SQLE: variants seen among roughly 807,000 people sequenced by gnomAD.
SQLE encodes the protein squalene monooxygenase.
Under a neutral mutation model 60.7 loss-of-function variants are expected in SQLE, and 29 were observed. The ratio of observed to expected loss-of-function variants is 0.48; its 90% confidence interval spans 0.36 to 0.65. The LOEUF is 0.65. SQLE is among the 30% of genes least tolerant of loss of function. The pLI is 0.00. For missense variants in SQLE, 605 were observed against 684.1 expected, an observed-to-expected ratio of 0.88 and a Z score of 1.29; for synonymous variants, 237 against 246.8, an observed-to-expected ratio of 0.96 and a Z score of 0.37.
chr8:124,998,752 T>C lies in SQLE; in HGVS notation c.-652T>C, dbSNP rs1012772709. On this transcript the variant is annotated 5_prime_UTR_variant, in exon 1 of 11. Transcript: ENST00000265896. ...CTAAATCTTTAGGTTGGGGCTGCAT[T>C]GCCCTGGAGCCGCACTCTTGAGTCC... is the stretch of plus-strand genomic sequence containing the variant. The C allele has an allele frequency of 5.5e-6, 3 of 542,798 alleles. No individual in the cohort carries two copies. Among genetic ancestry groups the C allele is most frequent in the Admixed American group, 7.1e-5 (2 of 28,362 alleles). 33.6% of individuals were successfully genotyped at this position (542,798 alleles called of 1,614,324 possible). A position where few individuals can be genotyped will look rare whatever the true frequency, so the allele number is the denominator to read the frequency against.
At chr8:125,006,472 T>A (rs1265569724) in intron 3 of SQLE, among the ~76,000 whole-genome samples, 1 of 151,078 alleles carries the variant, frequency 6.6e-6, no homozygotes, top group Non-Finnish European at 1.5e-5. Context: ...TAAGAAAAAA[T>A]TAGCCAGGCG....
At position 125,018,322 on chromosome 8, in the gene SQLE, G is replaced by A. The variant is rs1395904490; in HGVS notation, c.1347+121G>A. The A allele has an allele frequency of 3.9e-6, 4 of 1,028,370 alleles. No homozygotes were observed. The Admixed American group carries it at 8.2e-5, about 21-fold the overall frequency. 63.7% of individuals were successfully genotyped at this position (1,028,370 alleles called of 1,614,324 possible). A position where few individuals can be genotyped will look rare whatever the true frequency, so the allele number is the denominator to read the frequency against. ...ACCTGATGCTTTATAATAGCTCTTAGGCATCTTGCTTAGGCTTAAAGAACC... is the reference window on the plus strand; with the variant it reads ...ACCTGATGCTTTATAATAGCTCTTAAGCATCTTGCTTAGGCTTAAAGAACC... On this transcript the variant is annotated intron_variant, in intron 8 of 10. Transcript: ENST00000265896.
chr8:125,012,627 G>T (rs944763231), intron 7 of SQLE, among the ~76,000 whole-genome samples: 1 of 152,172 alleles, frequency 6.6e-6, no homozygotes, highest in African/African-American at 2.4e-5. Context: ...CCATTGTGTG[G>T]CTATATTACA....
intron 6 of SQLE, among the ~76,000 whole-genome samples, chr8:125,009,793 CAAAA>C (rs924370701): frequency 8.7e-6 from 1 of 115,292 alleles, no homozygotes; most frequent in Non-Finnish European, 1.9e-5. Flanking sequence ...AACTCCGTCT[CAAAA>C]AAAAAAAAAA....
intron 1 of SQLE, among the ~76,000 whole-genome samples, chr8:125,002,650 C>T (rs1415452534): frequency 1.3e-5 from 2 of 152,136 alleles, no homozygotes; most frequent in African/African-American, 4.8e-5. Flanking sequence ...GCACTCCAGC[C>T]TGGGCAACAA....
Position 125,011,650 on chromosome 8 carries a change from T to A in SQLE, c.1204+18T>A. 6.5e-7 allele frequency: 1 copy of A among 1,548,416 alleles called. No individual in the cohort carries two copies. The highest frequency in any genetic ancestry group is 1.2e-5 in the South Asian group (1 of 83,966). The stretch of plus-strand genomic sequence containing the variant: ...GAAACGAGGTATTATTTTTTGGGCT[T>A]ATTTTATAAAGGAATCAGTATTCCA... On this transcript the variant is annotated intron_variant, in intron 7 of 10. Transcript: ENST00000265896.
chr8:125,006,397 G>C (rs1385617904), intron 3 of SQLE, among the ~76,000 whole-genome samples: 4 of 152,054 alleles, frequency 2.6e-5, no homozygotes, highest in Non-Finnish European at 5.9e-5. Context: ...GAGGTGGGCA[G>C]ATCACGAGGT....
At chr8:125,002,868 T>G (rs894015698) in intron 1 of SQLE, among the ~76,000 whole-genome samples, 3 of 152,202 alleles carry the variant, frequency 2.0e-5, no homozygotes, top group African/African-American at 7.2e-5. Flanking sequence ...TTATAAACAT[T>G]TATTATATTC....
intron 2 of SQLE, 29 bp downstream of exon 2, chr8:125,003,457 T>TA: frequency 6.2e-7 from 1 of 1,610,174 alleles, no homozygotes; most frequent in Non-Finnish European, 8.5e-7. Context: ...TCAGGAGAGT[T>TA]ACGTGGTATG....
Position 125,003,321 on chromosome 8 carries a change from G to A in SQLE, c.437G>A (p.Gly146Glu), listed in dbSNP as rs1329256155. ...SALAAVLSRDGRKVTVIERDL... is the reference protein window; with the variant it reads ...SALAAVLSRDERKVTVIERDL... ...TTGGCAGCTGTGCTTTCCAGAGATG[G>A]AAGAAAGGTGACAGTCATTGAGAGA... Residue 146 changes from glycine to glutamate, a missense_variant, in exon 2 of 11, where the codon GGA (glycine) becomes GAA (glutamate). Transcript: ENST00000265896. 9.3e-6 allele frequency: 15 copies of A among 1,613,874 alleles called. No homozygotes were observed. Among genetic ancestry groups the A allele is most frequent in the Non-Finnish European group, 1.2e-5 (14 of 1,179,898 alleles).
chr8:124,999,943 A>G, intron 1 of SQLE: 2 of 663,664 alleles, frequency 3.0e-6, no homozygotes, highest in Non-Finnish European at 5.5e-6. Context: ...TGATTATGAA[A>G]GATGGAACGA....
intron 1 of SQLE, chr8:125,000,210 G>A (rs1001838721): frequency 1.3e-5 from 5 of 372,334 alleles, no homozygotes; most frequent in African/African-American, 1.1e-4. Context: ...GGAGCATTGA[G>A]TAAATGCTTG....
intron 4 of SQLE, among the ~76,000 whole-genome samples, chr8:125,007,809 G>A (rs1173321078): frequency 6.6e-6 from 1 of 152,136 alleles, no homozygotes; most frequent in African/African-American, 2.4e-5. Context: ...AATGAACTGA[G>A]TTCTTTCTAA....
intron 4 of SQLE, 63 bp downstream of exon 4, chr8:125,007,550 C>T: frequency 8.6e-7 from 1 of 1,159,180 alleles, no homozygotes; most frequent in Non-Finnish European, 1.2e-6. Flanking sequence ...TTTCACTTAC[C>T]CCTTTAAAAA....
intron 9 of SQLE, 79 bp downstream of exon 9, chr8:125,018,806 T>G: frequency 1.0e-6 from 1 of 969,736 alleles, no homozygotes; most frequent in Non-Finnish European, 1.5e-6. Flanking sequence ...AGTTAGTGAT[T>G]TGTCCAGAAA....
chr8:125,018,673 T>C lies in SQLE; in HGVS notation c.1390T>C (p.Phe464Leu). 6.2e-7 allele frequency: 1 copy of C among 1,607,224 alleles called. No homozygotes were observed. The highest frequency in any genetic ancestry group is 8.5e-7 in the Non-Finnish European group (1 of 1,178,172). The change falls in exon 9 of 11, where the codon TTT (phenylalanine) becomes CTT (leucine). Residue 464 changes from phenylalanine to leucine, a missense_variant. Phe to Leu is a conservative substitution (Grantham distance 22, BLOSUM62 0). Transcript: ENST00000265896. ...CTGGGCAAGAAAAACATCTCATTCC[T>C]TTGTCGTGAATATCCTTGCTCAGGC... ...FYWARKTSHS[F>L]VVNILAQALY... is the part of the protein sequence containing the mutation.
chr8:124,998,889 C>T lies in SQLE; in HGVS notation c.-515C>T. 1 of 378,624 alleles carries T rather than the reference C, an allele frequency of 2.6e-6. No homozygotes were observed. Among genetic ancestry groups the T allele is most frequent in the Non-Finnish European group, 4.7e-6 (1 of 212,612 alleles). 23.5% of individuals were successfully genotyped at this position (378,624 alleles called of 1,614,324 possible). A position where few individuals can be genotyped will look rare whatever the true frequency, so the allele number is the denominator to read the frequency against. On this transcript the variant is annotated 5_prime_UTR_variant, in exon 1 of 11. Coordinates refer to ENST00000265896, the MANE Select transcript of SQLE (RefSeq NM_003129.4). ...CCTCTGAACCCGCGCCGGCCCGCAG[C>T]CCCCGTGCCTTCCGGCCGCTGCTCG...
Position 125,018,660 on chromosome 8 carries a change from A to G in SQLE, c.1377A>G (p.Lys459=). The change falls in exon 9 of 11, where the codon AAA becomes AAG. Residue 459 remains lysine (K), a synonymous_variant. Coordinates refer to ENST00000265896, the MANE Select transcript of SQLE (RefSeq NM_003129.4). ...AAAAATCATTTTACTGGGCAAGAAA[A>G]ACATCTCATTCCTTTGTCGTGAATA... ...EAKKSFYWAR[K]TSHSFVVNIL... The G allele has an allele frequency of 6.2e-7, 1 of 1,604,322 alleles. No individual in the cohort carries two copies. Among genetic ancestry groups the G allele is most frequent in the Middle Eastern group, 1.7e-4 (1 of 5,940 alleles).
At chr8:125,021,695 C>T (rs192333229) in intron 10 of SQLE, 58 bp from the exon 11 acceptor site, 3 of 1,265,674 alleles carry the variant, frequency 2.4e-6, no homozygotes, top group African/African-American at 3.0e-5. Flanking sequence ...GTAATTGGAA[C>T]CTTTGGAGTA....
Sources: allele counts gnomAD v4.1 joint callset (sites outside exome capture counted in the v4.1 genomes callset), GRCh38; gene constraint gnomAD v4.1.1; transcripts MANE v1.5; gene names NCBI Gene and HGNC (gene_info 2026-07-23, HGNC 2026-07-21).